The following ADAMTS17 variants were observed in gnomAD, a reference collection of about 807,000 sequenced individuals.
ADAMTS17 encodes the protein ADAM metallopeptidase with thrombospondin type 1 motif 17.
Under a neutral mutation model 141.5 loss-of-function variants are expected in ADAMTS17, and 113 were observed. That is an observed-to-expected ratio of 0.80 (90% CI 0.69 to 0.93). ADAMTS17 has a LOEUF of 0.93. Among genes scored for constraint, ADAMTS17 ranks in the 40% least tolerant of loss-of-function variants. ADAMTS17 has a pLI of 0.00. For synonymous variants in ADAMTS17, 768 were observed against 630.6 expected (o/e 1.22, Z -3.27); for missense variants, 1,659 against 1,517.9 (o/e 1.09, Z -1.54).
intron 15 of ADAMTS17, among the ~76,000 whole-genome samples, chr15:100,064,371 C>T (rs969972023): frequency 6.6e-6 from 1 of 152,188 alleles, no homozygotes; most frequent in African/African-American, 2.4e-5. Flanking sequence ...GCTTATGCCA[C>T]CTAGTTTGCG....
chr15:100,227,049 C>T (rs1191010316), intron 7 of ADAMTS17, among the ~76,000 whole-genome samples: 1 of 152,166 alleles, frequency 6.6e-6, no homozygotes, highest in East Asian at 1.9e-4. Flanking sequence ...CCACCTGGGC[C>T]TCTCCTGGCT....
At position 99,974,562 on chromosome 15, in the gene ADAMTS17, G is replaced by C; in HGVS notation, c.3128C>G (p.Ala1043Gly). ...TCGTGTGCATTTGTAGGTCAGAGCA[G>C]CTAAGGGGATAGGAGAGAGAATACC... is the stretch of plus-strand genomic sequence containing the variant. ...NANTITSPRLAALTYKCTRDQ... is the reference protein window; with the variant it reads ...NANTITSPRLGALTYKCTRDQ... Residue 1043 changes from alanine (A) to glycine (G), a missense_variant and splice_region_variant, in exon 22 of 22, where the codon GCT (alanine) becomes GGT (glycine). Transcript: ENST00000268070. 6.2e-7 allele frequency: 1 copy of C among 1,614,248 alleles called. No individual in the cohort carries two copies. The highest frequency in any genetic ancestry group is 8.5e-7 in the Non-Finnish European group (1 of 1,180,042).
At chr15:100,164,796 G>A in intron 8 of ADAMTS17, among the ~76,000 whole-genome samples, 1 of 152,188 alleles carries the variant, frequency 6.6e-6, no homozygotes, top group East Asian at 1.9e-4. Context: ...ATGTGGTTTA[G>A]GGACTGTGGT....
At chr15:100,148,171 AAAGT>A (rs1403974679) in intron 10 of ADAMTS17, among the ~76,000 whole-genome samples, 7 of 152,376 alleles carry the variant, frequency 4.6e-5, no homozygotes, top group African/African-American at 1.7e-4. Context: ...TTCACCATAT[AAAGT>A]AACATTCATA....
At chr15:99,988,823 AG>A (rs2060640253) in intron 20 of ADAMTS17, among the ~76,000 whole-genome samples, 2 of 152,194 alleles carry the variant, frequency 1.3e-5, no homozygotes, top group African/African-American at 4.8e-5. Context: ...ACAGCAGAGG[AG>A]GGAAGGCTCA....
chr15:100,152,784 T>C (rs1384540476), intron 9 of ADAMTS17, 22 bp from the exon 10 acceptor site: 1 of 1,614,082 alleles, frequency 6.2e-7, no homozygotes, highest in South Asian at 1.1e-5. Context: ...GAGAGGCAAG[T>C]TGACTTGCAA....
chr15:100,036,916 C>A (rs2030777246), intron 18 of ADAMTS17, among the ~76,000 whole-genome samples: 1 of 152,178 alleles, frequency 6.6e-6, no homozygotes, highest in African/African-American at 2.4e-5. Context: ...CTTTTTATGG[C>A]TGAATAATAT....
At chr15:100,212,214 G>A (rs528326101) in intron 7 of ADAMTS17, among the ~76,000 whole-genome samples, 27 of 152,312 alleles carry the variant, frequency 1.8e-4, no homozygotes, top group Admixed American at 1.7e-3. Flanking sequence ...CAACCAAGTA[G>A]GAGAATTCAC....
intron 12 of ADAMTS17, among the ~76,000 whole-genome samples, chr15:100,118,598 G>A (rs906304370): frequency 6.6e-6 from 1 of 152,176 alleles, no homozygotes; most frequent in Non-Finnish European, 1.5e-5. Context: ...CAGTTCCAGA[G>A]AAATGACTGC....
chr15:100,026,326 C>G (rs1479280943), intron 18 of ADAMTS17, among the ~76,000 whole-genome samples: 1 of 152,228 alleles, frequency 6.6e-6, no homozygotes, highest in African/African-American at 2.4e-5. Context: ...GTTTTGGCCT[C>G]TTATGACTAG....
At chr15:99,986,596 T>G (rs2060591681) in intron 20 of ADAMTS17, among the ~76,000 whole-genome samples, 1 of 152,196 alleles carries the variant, frequency 6.6e-6, no homozygotes, top group African/African-American at 2.4e-5. Flanking sequence ...TTTCTTCTTT[T>G]CAGTATAAGG....
rs753804023 is a variant in ADAMTS17, at chr15:100,116,911, C to T, written c.1824G>A (p.Gln608=). The change falls in exon 13 of 22, where the codon CAG becomes CAA. Residue 608 remains glutamine (Q), a synonymous_variant. Coordinates refer to ENST00000268070, the MANE Select transcript of ADAMTS17 (RefSeq NM_139057.4). ...PKGLPSFRDQ[Q]CQAHDRLSPK... ...GGCTCAGCCGGTCGTGTGCCTGGCACTGCTGGTCCCGGAAGCTGGGCAGAC... is the reference window on the plus strand; with the variant it reads ...GGCTCAGCCGGTCGTGTGCCTGGCATTGCTGGTCCCGGAAGCTGGGCAGAC... The T allele has an allele frequency of 2.8e-5, 45 of 1,614,074 alleles. No homozygotes were observed. Among genetic ancestry groups the T allele is most frequent in the Admixed American group, 1.7e-5 (1 of 60,010 alleles).
chr15:100,155,571 C>G (rs2039396147), intron 8 of ADAMTS17, among the ~76,000 whole-genome samples: 1 of 152,194 alleles, frequency 6.6e-6, no homozygotes, highest in Non-Finnish European at 1.5e-5. Flanking sequence ...AACAATAAAT[C>G]AACAAAGTAT....
chr15:100,010,385 C>A (rs1269496757), intron 18 of ADAMTS17, among the ~76,000 whole-genome samples: 1 of 152,214 alleles, frequency 6.6e-6, no homozygotes, highest in Non-Finnish European at 1.5e-5. Context: ...ATGCTCCAGG[C>A]ATGCACATCC....
At chr15:100,097,828 T>C (rs113509209) in intron 14 of ADAMTS17, among the ~76,000 whole-genome samples, 14 of 152,316 alleles carry the variant, frequency 9.2e-5, no homozygotes, top group African/African-American at 3.1e-4. Context: ...AAGGAATAGG[T>C]GAATGCTCTT....
chr15:100,131,003 T>A (rs1206554241), intron 12 of ADAMTS17, among the ~76,000 whole-genome samples: 1 of 152,082 alleles, frequency 6.6e-6, no homozygotes, highest in Non-Finnish European at 1.5e-5. Context: ...AAAGAAAATG[T>A]GGCACATATA....
chr15:100,037,600 G>A (rs1036186938), intron 18 of ADAMTS17, among the ~76,000 whole-genome samples: 1 of 151,942 alleles, frequency 6.6e-6, no homozygotes, highest in Non-Finnish European at 1.5e-5. Context: ...GTAGAGATGG[G>A]GTTTCACCAT....
chr15:100,000,744 C>G (rs1000673330), intron 18 of ADAMTS17, among the ~76,000 whole-genome samples: 1 of 152,082 alleles, frequency 6.6e-6, no homozygotes, highest in Non-Finnish European at 1.5e-5. Context: ...AACTCCTGAC[C>G]TTAAGTGATC....
At chr15:100,130,716 T>C (rs964461796) in intron 12 of ADAMTS17, among the ~76,000 whole-genome samples, 3 of 152,194 alleles carry the variant, frequency 2.0e-5, no homozygotes, top group South Asian at 2.1e-4. Context: ...CAGGACTTAA[T>C]TGTGGAGATT....
Sources: allele counts gnomAD v4.1 joint callset (sites outside exome capture counted in the v4.1 genomes callset), GRCh38; gene constraint gnomAD v4.1.1; transcripts MANE v1.5; gene names NCBI Gene and HGNC (gene_info 2026-07-23, HGNC 2026-07-21).